Variants in COL19A1 observed in about 807,000 individuals in gnomAD.
The protein encoded by COL19A1 is collagen type XIX alpha 1 chain, also known as collagen alpha-1(XIX) chain.
In COL19A1, 159 loss-of-function variants were observed where a neutral mutation model predicts 190.2. That is an observed-to-expected ratio of 0.84 (90% CI 0.73 to 0.95). The LOEUF (loss-of-function observed/expected upper bound fraction) is 0.95. COL19A1 is among the 40% of genes least tolerant of loss of function. The pLI, the probability that COL19A1 is intolerant of heterozygous loss-of-function variation, is 0.00. For synonymous variants in COL19A1, 509 were observed against 458.9 expected (o/e 1.11, Z -1.39); for missense variants, 1,418 against 1,431.9 (o/e 0.99, Z 0.16).
intron 14 of COL19A1, among the ~76,000 whole-genome samples, chr6:70,046,629 A>G (rs187998210): frequency 6.6e-6 from 1 of 152,238 alleles, no homozygotes; most frequent in East Asian, 1.9e-4. Flanking sequence ...ATGAATGACT[A>G]TTAAGTTTTA....
chr6:69,938,644 C>T (rs1773266620), intron 9 of COL19A1, among the ~76,000 whole-genome samples: 1 of 152,002 alleles, frequency 6.6e-6, no homozygotes, highest in South Asian at 2.1e-4. Context: ...ATTACAAGGC[C>T]ATATGTGTTA....
At chr6:70,010,508 G>T (rs993276326) in intron 11 of COL19A1, among the ~76,000 whole-genome samples, 8 of 142,468 alleles carry the variant, frequency 5.6e-5, no homozygotes, top group Admixed American at 2.8e-4. Context: ...TGTGCGCACC[G>T]TGCGCGAGCG....
chr6:69,993,212 G>T (rs896780923), intron 11 of COL19A1, among the ~76,000 whole-genome samples: 2 of 152,062 alleles, frequency 1.3e-5, no homozygotes, highest in Admixed American at 1.3e-4. Flanking sequence ...CTATTAAGAT[G>T]ATCATGTGGT....
intron 4 of COL19A1, among the ~76,000 whole-genome samples, chr6:69,925,048 T>C (rs1358731979): frequency 6.6e-6 from 1 of 152,238 alleles, no homozygotes; most frequent in Admixed American, 6.5e-5. Context: ...CTGTTCACTC[T>C]GATGGTAGTT....
intron 11 of COL19A1, among the ~76,000 whole-genome samples, chr6:69,963,877 C>CA (rs1774940533): frequency 6.6e-6 from 1 of 152,208 alleles, no homozygotes; most frequent in African/African-American, 2.4e-5. Context: ...TACAAATTTA[C>CA]AACTTTCTAT....
intron 11 of COL19A1, among the ~76,000 whole-genome samples, chr6:69,990,429 T>C (rs1028531556): frequency 6.6e-5 from 10 of 152,100 alleles, no homozygotes; most frequent in Non-Finnish European, 1.3e-4. Context: ...AAAATCATAA[T>C]TTTCGTTAAC....
chr6:70,119,875 G>C (rs1030714628), intron 16 of COL19A1, among the ~76,000 whole-genome samples: 1 of 152,178 alleles, frequency 6.6e-6, no homozygotes. Flanking sequence ...TGGATCACTT[G>C]AGGTCAGGAG....
chr6:70,166,837 G>A (rs548092008), intron 37 of COL19A1, among the ~76,000 whole-genome samples: 2 of 149,442 alleles, frequency 1.3e-5, no homozygotes, highest in South Asian at 4.1e-4. Context: ...AAAGCAGGAC[G>A]GAAAGTATTA....
intron 10 of COL19A1, among the ~76,000 whole-genome samples, chr6:69,960,552 A>G (rs1032169809): frequency 1.8e-4 from 28 of 151,546 alleles, no homozygotes; most frequent in African/African-American, 6.8e-4. Context: ...GGAGTTTTGC[A>G]TGGGCCAGGC....
At chr6:69,949,744 C>T (rs1450190765) in intron 9 of COL19A1, among the ~76,000 whole-genome samples, 4 of 151,834 alleles carry the variant, frequency 2.6e-5, no homozygotes, top group African/African-American at 4.8e-5. Flanking sequence ...TATCCAGCAT[C>T]CCCTTAACTT....
chr6:69,947,311 T>C (rs1398944398), intron 9 of COL19A1, among the ~76,000 whole-genome samples: 1 of 151,836 alleles, frequency 6.6e-6, no homozygotes, highest in African/African-American at 2.4e-5. Flanking sequence ...GCTCATAAAA[T>C]GATTGATTTT....
At chr6:70,122,003 G>T in intron 17 of COL19A1, 61 bp downstream of exon 17, 2 of 1,121,472 alleles carry the variant, frequency 1.8e-6, no homozygotes, top group South Asian at 1.5e-5. Flanking sequence ...TTGTATTTTT[G>T]AAAAAAAACT....
At chr6:70,184,768 T>G (rs766845318) in intron 45 of COL19A1, 30 bp downstream of exon 45, 1 of 1,603,422 alleles carries the variant, frequency 6.2e-7, no homozygotes, top group South Asian at 1.1e-5. Flanking sequence ...AAATAAAAGT[T>G]ATAATGCATA....
At chr6:70,190,081 A>C (rs1450576282) in intron 47 of COL19A1, among the ~76,000 whole-genome samples, 1 of 152,218 alleles carries the variant, frequency 6.6e-6, no homozygotes. Context: ...TGTTGATACC[A>C]CTGGTTATGA....
intron 11 of COL19A1, among the ~76,000 whole-genome samples, chr6:69,970,530 A>AT (rs886593204): frequency 5.3e-5 from 8 of 151,684 alleles, no homozygotes; most frequent in Admixed American, 2.6e-4. Flanking sequence ...CAAAGTTGAA[A>AT]TTTTTTTTTA....
chr6:69,906,467 G>A (rs1770554498), intron 4 of COL19A1, among the ~76,000 whole-genome samples: 1 of 152,100 alleles, frequency 6.6e-6, no homozygotes, highest in South Asian at 2.1e-4. Context: ...AAAAGAGGGA[G>A]GGAGGAGTGA....
intron 48 of COL19A1, among the ~76,000 whole-genome samples, chr6:70,197,847 A>G (rs971777822): frequency 6.6e-6 from 1 of 152,142 alleles, no homozygotes; most frequent in Non-Finnish European, 1.5e-5. Flanking sequence ...GTGACATGAG[A>G]ATGTGAATGT....
chr6:69,953,236 C>T (rs1248051986), intron 9 of COL19A1, among the ~76,000 whole-genome samples: 1 of 151,840 alleles, frequency 6.6e-6, no homozygotes, highest in African/African-American at 2.4e-5. Context: ...AGAAAAATAC[C>T]TCTTAAGCAG....
intron 48 of COL19A1, among the ~76,000 whole-genome samples, chr6:70,194,287 C>T (rs1395909121): frequency 6.6e-6 from 1 of 152,188 alleles, no homozygotes; most frequent in Non-Finnish European, 1.5e-5. Flanking sequence ...TTGGGCTCTC[C>T]TCTTGTGGCT....
Sources: allele counts gnomAD v4.1 joint callset (sites outside exome capture counted in the v4.1 genomes callset), GRCh38; gene constraint gnomAD v4.1.1; transcripts MANE v1.5; gene names NCBI Gene and HGNC (gene_info 2026-07-23, HGNC 2026-07-21).